The following BPTF variants were observed in gnomAD, a reference collection of about 807,000 sequenced individuals.
BPTF encodes bromodomain PHD finger transcription factor.
A neutral mutation model predicts 292.5 loss-of-function variants in BPTF; 18 were observed. The observed-to-expected ratio is 0.06, with a 90% CI of 0.04 to 0.09. BPTF has a LOEUF of 0.09. BPTF is among the 10% of genes least tolerant of loss of function. The pLI, the probability that BPTF is intolerant of heterozygous loss-of-function variation, is 1.00. For synonymous variants in BPTF, 1,225 were observed against 1,251.9 expected, an observed-to-expected ratio of 0.98 and a Z score of 0.45; for missense variants, 2,726 against 3,498.7, an observed-to-expected ratio of 0.78 and a Z score of 5.57.
chr17:67,877,546 T>G (rs1422534962), intron 4 of BPTF, among the ~76,000 whole-genome samples: 1 of 152,378 alleles, frequency 6.6e-6, no homozygotes, highest in South Asian at 2.1e-4. Context: ...TTTAGGCACC[T>G]AATTTAATGA....
chr17:67,973,041 ATATATATATATTT>A lies in BPTF; in HGVS notation c.8540-2719_8540-2707del, dbSNP rs1555691789. Among the ~76,000 whole-genome samples the A allele has an allele frequency of 1.3e-4, 19 of 144,798 alleles. No homozygotes were observed. In the East Asian group the frequency reaches 3.4e-3, roughly 26 times the overall value. 95.0% of individuals were successfully genotyped at this position (144,798 alleles called of 152,430 possible). A position where few individuals can be genotyped will look rare whatever the true frequency, so the allele number is the denominator to read the frequency against. ...TGTGTACTAAAATATATATATTTAT[ATATATATATATTT>A]TATATATATATAAATATATATATAA... On this transcript the variant is annotated intron_variant, in intron 26 of 27. Coordinates refer to ENST00000306378, the MANE Select transcript of BPTF (RefSeq NM_182641.4).
intron 24 of BPTF, among the ~76,000 whole-genome samples, chr17:67,962,861 C>T (rs1382612635): frequency 5.3e-5 from 8 of 152,132 alleles, no homozygotes; most frequent in African/African-American, 1.7e-4. Context: ...TTGGTGTTTG[C>T]GCTTTGCTTT....
At chr17:67,931,870 T>C (rs2064420368) in intron 17 of BPTF, 41 bp from the exon 18 acceptor site, 1 of 1,482,820 alleles carries the variant, frequency 6.7e-7, no homozygotes, top group African/African-American at 1.4e-5. Context: ...CTTTAATCTT[T>C]TTAAAGCATT....
intron 4 of BPTF, among the ~76,000 whole-genome samples, chr17:67,881,119 G>A (rs1339751100): frequency 6.6e-6 from 1 of 152,026 alleles, no homozygotes; most frequent in Non-Finnish European, 1.5e-5. Flanking sequence ...TGATAGGAGT[G>A]AGAACATAAG....
chr17:67,941,236 A>G (rs2065339267), intron 19 of BPTF, among the ~76,000 whole-genome samples: 1 of 152,196 alleles, frequency 6.6e-6, no homozygotes, highest in African/African-American at 2.4e-5. Context: ...GGATTGCTTG[A>G]GGTCAGGAGT....
At chr17:67,969,452 CAAAAAAAAAAA>C (rs11360473) in intron 26 of BPTF, among the ~76,000 whole-genome samples, 1 of 47,984 alleles carries the variant, frequency 2.1e-5, no homozygotes, top group Non-Finnish European at 3.8e-5. Context: ...ACTCTGTCTC[CAAAAAAAAAAA>C]AAAAAAAAAA....
intron 19 of BPTF, among the ~76,000 whole-genome samples, chr17:67,941,918 GAACC>G (rs1184857787): frequency 6.6e-6 from 1 of 152,076 alleles, no homozygotes; most frequent in African/African-American, 2.4e-5. Flanking sequence ...AATGAGAAAA[GAACC>G]AACCAAGGAC....
chr17:67,915,939 A>C (rs570878134), intron 11 of BPTF, among the ~76,000 whole-genome samples: 45 of 152,270 alleles, frequency 3.0e-4, no homozygotes, highest in Admixed American at 7.2e-4. Context: ...TGTTATTTCC[A>C]TTTTAAAATA....
intron 26 of BPTF, among the ~76,000 whole-genome samples, chr17:67,969,264 T>C (rs979552716): frequency 6.6e-6 from 1 of 150,840 alleles, no homozygotes; most frequent in Non-Finnish European, 1.5e-5. Flanking sequence ...CTGGCCAACA[T>C]GGTGAAACCT....
chr17:67,923,818 T>C (rs2063641572), intron 14 of BPTF, among the ~76,000 whole-genome samples: 1 of 151,774 alleles, frequency 6.6e-6, no homozygotes, highest in Non-Finnish European at 1.5e-5. Flanking sequence ...TTTGTCGATT[T>C]CTAATGACCA....
intron 2 of BPTF, among the ~76,000 whole-genome samples, chr17:67,862,384 A>G (rs2059137691): frequency 6.6e-6 from 1 of 152,238 alleles, no homozygotes; most frequent in South Asian, 2.1e-4. Context: ...AACACTTTAT[A>G]TATTTTAATT....
intron 14 of BPTF, among the ~76,000 whole-genome samples, chr17:67,923,471 CTTTTT>C (rs58462646): frequency 0.012 from 809 of 67,386 alleles, 8 homozygotes; most frequent in African/African-American, 0.042. Context: ...CTCTCTCTGT[CTTTTT>C]TTTTTTTTTT....
At chr17:67,946,518 AT>A (rs1680409631) in intron 21 of BPTF, among the ~76,000 whole-genome samples, 193 bp downstream of exon 21, 1 of 152,252 alleles carries the variant, frequency 6.6e-6, no homozygotes, top group South Asian at 2.1e-4. Context: ...TTAGATACAT[AT>A]AATATATAGT....
intron 24 of BPTF, among the ~76,000 whole-genome samples, chr17:67,960,636 T>G (rs569241277): frequency 6.6e-6 from 1 of 152,330 alleles, no homozygotes; most frequent in South Asian, 2.1e-4. Flanking sequence ...GTAGTCCAGC[T>G]TTTTAAAGCC....
At position 67,858,240 on chromosome 17, in the gene BPTF, T is replaced by C. The variant is rs181599275; in HGVS notation, c.1436+3478T>C. 2.2e-3 allele frequency among the ~76,000 whole-genome samples: 335 copies of C among 152,366 alleles called. 1 individual carries two copies. The highest frequency in any genetic ancestry group is 7.5e-3 in the African/African-American group (310 of 41,586). On this transcript the variant is annotated intron_variant, in intron 2 of 27. Transcript: ENST00000306378. The stretch of plus-strand genomic sequence containing the variant: ...TTTGGATCAGATATTTTAAGAAATA[T>C]GTGTAAAATATGTGTAACTTTTTTC...
intron 19 of BPTF, among the ~76,000 whole-genome samples, chr17:67,943,666 G>C (rs1024450944): frequency 6.6e-6 from 1 of 152,056 alleles, no homozygotes; most frequent in Non-Finnish European, 1.5e-5. Context: ...AGTTGGCCAG[G>C]GTACTTGACC....
intron 18 of BPTF, among the ~76,000 whole-genome samples, chr17:67,937,130 G>A (rs1389366110): frequency 6.6e-6 from 1 of 152,102 alleles, no homozygotes; most frequent in African/African-American, 2.4e-5. Context: ...GTATAATAAT[G>A]TATGAATTTT....
At chr17:67,899,533 CT>C (rs573598642) in intron 7 of BPTF, among the ~76,000 whole-genome samples, 292 of 134,998 alleles carry the variant, frequency 2.2e-3, no homozygotes, top group East Asian at 9.3e-3. Flanking sequence ...AGTTTTTTTT[CT>C]TTTTTTTTTT....
chr17:67,826,117 C>CGAGGAG lies in BPTF; in HGVS notation c.402_407dup (p.Glu137_Glu138dup). ...AAGTGGTGTACGATGACCACGAGAG[C>CGAGGAG]GAGGAGGAGGAGGAAGAGGAGGACA... is the stretch of plus-strand genomic sequence containing the variant. On this transcript the variant is annotated inframe_insertion, in exon 1 of 28. Coordinates refer to ENST00000306378, the MANE Select transcript of BPTF (RefSeq NM_182641.4). The CGAGGAG allele has an allele frequency of 1.4e-6, 2 of 1,398,432 alleles. No individual in the cohort carries two copies. Among genetic ancestry groups the CGAGGAG allele is most frequent in the South Asian group, 1.2e-5 (1 of 83,278 alleles). 86.6% of individuals were successfully genotyped at this position (1,398,432 alleles called of 1,614,324 possible).
Sources: gnomAD v4.1 joint callset for allele counts (sites outside exome capture counted in the v4.1 genomes callset) on GRCh38, gnomAD v4.1.1 for gene constraint, MANE v1.5 for transcripts, NCBI Gene and HGNC (gene_info 2026-07-23, HGNC 2026-07-21) for gene names.